The following ZSCAN25 variants were observed in gnomAD, a reference collection of about 807,000 sequenced individuals.
The protein encoded by ZSCAN25 is zinc finger and SCAN domain-containing protein 25.
A neutral mutation model predicts 38.7 loss-of-function variants in ZSCAN25; 27 were observed. The ratio of observed to expected loss-of-function variants is 0.70; its 90% CI spans 0.51 to 0.96. The LOEUF is 0.96. ZSCAN25 is among the 40% of genes least tolerant of loss of function. ZSCAN25 has a pLI of 0.00. For synonymous variants in ZSCAN25, 273 were observed against 277.7 expected (o/e 0.98, Z 0.17); for missense variants, 637 against 705.9 (o/e 0.90, Z 1.11).
chr7:99,648,487 A>C, the ZSCAN25 span: 1 of 1,019,646 alleles, frequency 9.8e-7, no homozygotes. Flanking sequence ...ATATGACAAA[A>C]ATGCTTTGCA....
At chr7:99,701,698 T>C in the ZSCAN25 span, among the ~76,000 whole-genome samples, 1 of 152,246 alleles carries the variant, frequency 6.6e-6, no homozygotes, top group African/African-American at 2.4e-5. Flanking sequence ...TGATCAATGA[T>C]GTTGAGCACA....
chr7:99,703,135 G>A, the ZSCAN25 span, among the ~76,000 whole-genome samples: 113,988 of 152,174 alleles, frequency 0.75, 46,294 homozygotes, highest in Non-Finnish European at 0.91. Context: ...ATCAGTTCTA[G>A]TAGTTCCTTG....
At chr7:99,644,501 C>T in the ZSCAN25 span, among the ~76,000 whole-genome samples, 1 of 152,126 alleles carries the variant, frequency 6.6e-6, no homozygotes, top group South Asian at 2.1e-4. Context: ...GGACTAAAAG[C>T]ATGGTGTCTT....
At chr7:99,716,466 G>T in the ZSCAN25 span, among the ~76,000 whole-genome samples, 1 of 152,282 alleles carries the variant, frequency 6.6e-6, no homozygotes, top group South Asian at 2.1e-4. Context: ...AGCTGAGGTT[G>T]CCCTGATGGC....
At chr7:99,727,407 A>G in the ZSCAN25 span, among the ~76,000 whole-genome samples, 1 of 152,114 alleles carries the variant, frequency 6.6e-6, no homozygotes. Flanking sequence ...CCTGATGCAT[A>G]TACTTTCTGT....
the ZSCAN25 span, among the ~76,000 whole-genome samples, chr7:99,680,787 G>A: frequency 1.3e-5 from 2 of 152,150 alleles, no homozygotes; most frequent in Non-Finnish European, 2.9e-5. Flanking sequence ...TAGAAATCAT[G>A]TTCTGCCACT....
chr7:99,727,464 A>G, the ZSCAN25 span, among the ~76,000 whole-genome samples: 9 of 152,026 alleles, frequency 5.9e-5, no homozygotes, highest in African/African-American at 1.7e-4. Flanking sequence ...GTCTCCCACA[A>G]TTACCATTGT....
chr7:99,669,208 G>A, the ZSCAN25 span, among the ~76,000 whole-genome samples: 4 of 152,164 alleles, frequency 2.6e-5, no homozygotes, highest in African/African-American at 7.2e-5. Flanking sequence ...GGCAAATAGC[G>A]AAGCACTCTG....
the ZSCAN25 span, chr7:99,717,433 A>G: frequency 6.3e-7 from 1 of 1,584,374 alleles, no homozygotes; most frequent in East Asian, 2.3e-5. Flanking sequence ...TCAGCAGACT[A>G]CTCCTCGGAA....
the ZSCAN25 span, among the ~76,000 whole-genome samples, chr7:99,700,520 A>C: frequency 6.6e-6 from 1 of 152,088 alleles, no homozygotes; most frequent in South Asian, 2.1e-4. Flanking sequence ...GCCCAGCCAG[A>C]CAGACCCCTT....
chr7:99,666,068 T>C, the ZSCAN25 span, among the ~76,000 whole-genome samples: 1 of 152,096 alleles, frequency 6.6e-6, no homozygotes, highest in Non-Finnish European at 1.5e-5. Context: ...CAGCAAATAA[T>C]AGGCTTGCTC....
At chr7:99,680,936 T>C in the ZSCAN25 span, among the ~76,000 whole-genome samples, 1 of 152,198 alleles carries the variant, frequency 6.6e-6, no homozygotes, top group Non-Finnish European at 1.5e-5. Context: ...TATTAAAGCA[T>C]TCATGATGTA....
chr7:99,652,422 C>CT, the ZSCAN25 span: 362 of 630,896 alleles, frequency 5.7e-4, no homozygotes, highest in Non-Finnish European at 8.4e-4. Flanking sequence ...ATAATTATCA[C>CT]TTTTTTGTGA....
chr7:99,681,774 T>G, the ZSCAN25 span, among the ~76,000 whole-genome samples: 1 of 152,222 alleles, frequency 6.6e-6, no homozygotes, highest in Non-Finnish European at 1.5e-5. Flanking sequence ...TTCACTTTGT[T>G]GATTGCTTTC....
chr7:99,619,501 C>T, intron 3 of ZSCAN25, 60 bp from the exon 4 acceptor site: 6 of 1,313,716 alleles, frequency 4.6e-6, no homozygotes, highest in Non-Finnish European at 6.2e-6. Context: ...TGGAATATTC[C>T]TTGATGTAGA....
chr7:99,681,664 T>A, the ZSCAN25 span, among the ~76,000 whole-genome samples: 1 of 152,276 alleles, frequency 6.6e-6, no homozygotes, highest in Admixed American at 6.5e-5. Context: ...TATTAGATTT[T>A]TCCTTACAGA....
chr7:99,638,381 G>T, the ZSCAN25 span: 39 of 1,597,634 alleles, frequency 2.4e-5, no homozygotes, highest in Non-Finnish European at 3.3e-5. Flanking sequence ...GGGGTTTCAT[G>T]GCATCGGGCA....
chr7:99,630,302 T>TC lies in ZSCAN25; in HGVS notation c.*287dup. 8.2e-7 allele frequency: 1 copy of TC among 1,218,898 alleles called. No individual in the cohort carries two copies. The highest frequency in any genetic ancestry group is 3.1e-5 in the South Asian group (1 of 32,418). 75.5% of individuals were successfully genotyped at this position (1,218,898 alleles called of 1,614,324 possible). On this transcript the variant is annotated 3_prime_UTR_variant, in exon 8 of 8. Coordinates refer to ENST00000394152, the MANE Select transcript of ZSCAN25 (RefSeq NM_145115.3). ...TTTCTCCTTCAGTGGACTGTCTGTG[T>TC]CCCCCTGCCGAACAAAGCTGGGAGT...
chr7:99,710,919 G>C, the ZSCAN25 span: 1 of 1,613,292 alleles, frequency 6.2e-7, no homozygotes, highest in Non-Finnish European at 8.5e-7. Context: ...GACATTTTAG[G>C]TAAATCAGGT....
Sources: allele counts gnomAD v4.1 joint callset (sites outside exome capture counted in the v4.1 genomes callset), GRCh38; gene constraint gnomAD v4.1.1; transcripts MANE v1.5; gene names NCBI Gene and HGNC (gene_info 2026-07-23, HGNC 2026-07-21).